MTFR1L: variants seen among roughly 807,000 people sequenced by gnomAD.
MTFR1L encodes the protein mitochondrial fission regulator 1 like.
A neutral mutation model predicts 27.9 loss-of-function variants in MTFR1L; 10 were observed. That is an observed-to-expected ratio of 0.36 (90% confidence interval 0.22 to 0.61). The LOEUF is 0.61. Ranked by LOEUF, MTFR1L falls within the 20% of genes least tolerant of loss-of-function variation. The pLI is 0.73. For synonymous variants in MTFR1L, 151 were observed against 139.4 expected (o/e 1.08, Z -0.58); for missense variants, 315 against 363.7 (o/e 0.87, Z 1.09).
intron 1 of MTFR1L, chr1:25,820,375 C>T (rs1194132652): frequency 4.4e-6 from 2 of 454,546 alleles, no homozygotes; most frequent in Admixed American, 2.4e-5. Context: ...GTCCAAGGGC[C>T]GCTGGGCAGG....
chr1:25,827,478 T>G (rs1204825442), intron 5 of MTFR1L, among the ~76,000 whole-genome samples: 1 of 150,906 alleles, frequency 6.6e-6, no homozygotes. Context: ...TCTTGCTCTG[T>G]TGCCCAGGCT....
intron 3 of MTFR1L, 73 bp downstream of exon 3, chr1:25,823,821 T>C: frequency 6.5e-7 from 1 of 1,535,572 alleles, no homozygotes. Flanking sequence ...CCCTTGGTAC[T>C]GCCCAAGTAG....
chr1:25,826,623 C>T lies in MTFR1L; in HGVS notation c.248C>T (p.Thr83Met), dbSNP rs201393961. 7.5e-4 allele frequency: 1,208 copies of T among 1,614,146 alleles called. 1 individual carries two copies. The highest frequency in any genetic ancestry group is 9.3e-4 in the Non-Finnish European group (1,101 of 1,180,028). ...GGTTTTCCCTGGTCCAGGAGTGATACGCGCCCCCTGAGGCACACCTGGAAA... is the reference window on the plus strand; with the variant it reads ...GGTTTTCCCTGGTCCAGGAGTGATATGCGCCCCCTGAGGCACACCTGGAAA... ...EETYARVRSD[T>M]RPLRHTWKPS... Residue 83 changes from threonine to methionine, a missense_variant, in exon 5 of 7, where the codon ACG becomes ATG. Transcript: ENST00000374303. This position sits in a 1 kb window ranked among gnomAD's most constrained non-coding sequence, Gnocchi z 4.1.
chr1:25,820,474 G>A (rs2048072593), intron 1 of MTFR1L: 3 of 372,122 alleles, frequency 8.1e-6, no homozygotes, highest in African/African-American at 4.5e-5. Context: ...GCGGGGAGAG[G>A]GTCCGCGCGG....
At chr1:25,820,640 G>T in intron 1 of MTFR1L, 1 of 415,026 alleles carries the variant, frequency 2.4e-6, no homozygotes, top group Admixed American at 3.3e-5. Flanking sequence ...GCAGCCTCCG[G>T]AGGGCTGCGG....
chr1:25,822,946 G>A, intron 1 of MTFR1L, 73 bp from the exon 2 acceptor site: 1 of 1,352,322 alleles, frequency 7.4e-7, no homozygotes, highest in East Asian at 2.3e-5. Context: ...GGTTTTTTGG[G>A]GCTTGTGTGG....
In MTFR1L at chr1:25,823,684, G is replaced by A. The variant is rs746977795; in HGVS notation, c.65G>A (p.Arg22Gln). The A allele has an allele frequency of 3.1e-6, 5 of 1,614,064 alleles. No homozygotes were observed. Among genetic ancestry groups the A allele is most frequent in the South Asian group, 2.2e-5 (2 of 91,076 alleles). The change falls in exon 3 of 7, where the codon CGA becomes CAA. Residue 22 changes from arginine to glutamine, a missense_variant. By Grantham distance (43) the Arg-to-Gln change is conservative. Transcript: ENST00000374303. ...CAAAACAAGCCACATGGGGCTGCTC[G>A]AAGTGTAGTAAGAAGAATTGGGACC... ...IWQNKPHGAA[R>Q]SVVRRIGTNL...
At chr1:25,827,245 C>T (rs2048180854) in intron 5 of MTFR1L, among the ~76,000 whole-genome samples, 1 of 151,912 alleles carries the variant, frequency 6.6e-6, no homozygotes, top group Non-Finnish European at 1.5e-5. Flanking sequence ...AAGCGATTCT[C>T]CTGCCTCAGC....
chr1:25,826,234 G>T lies in MTFR1L; in HGVS notation c.130-68G>T. The T allele has an allele frequency of 7.3e-7, 1 of 1,366,272 alleles. No individual in the cohort carries two copies. Among genetic ancestry groups the T allele is most frequent in the Non-Finnish European group, 1.0e-6 (1 of 962,790 alleles). 84.6% of individuals were successfully genotyped at this position (1,366,272 alleles called of 1,614,324 possible). On this transcript the variant is annotated intron_variant, in intron 3 of 6. Transcript: ENST00000374303. The surrounding 1 kb of genome is among the most constrained non-coding windows in gnomAD (Gnocchi z 4.1). ...GTGCCGGATTAGGTACCCCTCCTGTGTATTCTGCAGTTTCTGATTGGCTCA... is the reference window on the plus strand; with the variant it reads ...GTGCCGGATTAGGTACCCCTCCTGTTTATTCTGCAGTTTCTGATTGGCTCA...
intron 5 of MTFR1L, 131 bp from the exon 6 acceptor site, chr1:25,829,378 T>C: frequency 1.2e-6 from 1 of 817,752 alleles, no homozygotes; most frequent in Non-Finnish European, 2.0e-6. Flanking sequence ...ACAGATACCA[T>C]CCTGGCTCTC....
chr1:25,829,579 T>C lies in MTFR1L; in HGVS notation c.522T>C (p.Phe174=). Residue 174 remains phenylalanine (F), a synonymous_variant, in exon 6 of 7, where the codon TTT becomes TTC. Transcript: ENST00000374303. ...SSNVSSPLPC[F]GSSFHSTTSF... ...ATGTCTCTTCTCCCTTACCTTGTTT[T>C]GGATCCTCATTCCACTCTACAACTT... 1 of 1,614,262 alleles carries C rather than the reference T, an allele frequency of 6.2e-7. No homozygotes were observed. The highest frequency in any genetic ancestry group is 1.7e-5 in the Admixed American group (1 of 60,030).
chr1:25,822,703 T>G (rs1282867822), intron 1 of MTFR1L: 21 of 386,986 alleles, frequency 5.4e-5, no homozygotes, highest in Middle Eastern at 7.1e-4. Flanking sequence ...ATTTTTTGTA[T>G]TTTTAGTAGA....
At chr1:25,828,547 G>A (rs927754547) in intron 5 of MTFR1L, among the ~76,000 whole-genome samples, 7 of 151,442 alleles carry the variant, frequency 4.6e-5, no homozygotes, top group African/African-American at 1.5e-4. Context: ...GCGACAGAGT[G>A]AGACTCCGTC....
chr1:25,823,350 C>T (rs755090742), intron 2 of MTFR1L: 18 of 721,958 alleles, frequency 2.5e-5, no homozygotes, highest in African/African-American at 8.7e-5. Flanking sequence ...GTACAGAGGA[C>T]GGGAAGGAAA....
At chr1:25,830,276 G>A (rs997742097) in intron 6 of MTFR1L, among the ~76,000 whole-genome samples, 11 of 152,152 alleles carry the variant, frequency 7.2e-5, no homozygotes. Flanking sequence ...AAATACAGTG[G>A]TCCATTGTGC....
intron 1 of MTFR1L, chr1:25,820,606 G>A (rs770332650): frequency 2.5e-6 from 1 of 401,564 alleles, no homozygotes; most frequent in South Asian, 1.8e-5. Flanking sequence ...CTCCTGAGGG[G>A]ACGCCTGTCA....
At position 25,826,592 on chromosome 1, in the gene MTFR1L, C is replaced by T; in HGVS notation, c.240-23C>T. ...CAGTGGCCTGCTGTCTCTAACTGAT[C>T]TACTTGGTTTTCCCTGGTCCAGGAG... On this transcript the variant is annotated intron_variant, in intron 4 of 6. Coordinates refer to ENST00000374303, the MANE Select transcript of MTFR1L (RefSeq NM_001099625.2). This position sits in a 1 kb window ranked among gnomAD's most constrained non-coding sequence, Gnocchi z 4.1. The T allele has an allele frequency of 6.2e-7, 1 of 1,613,810 alleles. No homozygotes were observed. Among genetic ancestry groups the T allele is most frequent in the Non-Finnish European group, 8.5e-7 (1 of 1,179,718 alleles).
intron 6 of MTFR1L, among the ~76,000 whole-genome samples, chr1:25,831,266 T>TAAG (rs2124486130): frequency 6.6e-6 from 1 of 152,328 alleles, no homozygotes; most frequent in South Asian, 2.1e-4. Flanking sequence ...TGAATGTATA[T>TAAG]AAGTTCACTA....
chr1:25,831,003 C>CCT (rs1491011740), intron 6 of MTFR1L, among the ~76,000 whole-genome samples: 7 of 152,146 alleles, frequency 4.6e-5, no homozygotes, highest in Admixed American at 1.3e-4. Context: ...TATAGGTTGA[C>CCT]TCTCAAACTT....
Sources: allele counts gnomAD v4.1 joint callset (sites outside exome capture counted in the v4.1 genomes callset), GRCh38; gene constraint gnomAD v4.1.1; non-coding constraint Gnocchi (gnomAD v3.1); transcripts MANE v1.5; gene names NCBI Gene and HGNC (gene_info 2026-07-23, HGNC 2026-07-21).